The following TGFBR3 variants were observed in gnomAD, a reference collection of about 807,000 sequenced individuals.
TGFBR3 encodes the protein transforming growth factor beta receptor 3.
A neutral mutation model predicts 87.9 loss-of-function variants in TGFBR3; 46 were observed. The observed-to-expected ratio is 0.52, with a 90% CI of 0.41 to 0.67. TGFBR3 has a LOEUF of 0.67. Among genes scored for constraint, TGFBR3 ranks in the 30% least tolerant of loss-of-function variants. The probability of loss-of-function intolerance (pLI) is 0.00; values close to 1 mark genes in which losing one functional copy is unlikely to be tolerated. For synonymous variants in TGFBR3, 381 were observed against 391.6 expected (o/e 0.97, Z 0.32); for missense variants, 866 against 1,041.9 (o/e 0.83, Z 2.32).
chr1:91,769,434 G>C (rs549702980), intron 3 of TGFBR3, among the ~76,000 whole-genome samples: 1 of 151,926 alleles, frequency 6.6e-6, no homozygotes, highest in Admixed American at 6.6e-5. Flanking sequence ...GGGCACACAC[G>C]GGCCCTGTTA....
At chr1:91,729,073 CA>C (rs1332327789) in intron 6 of TGFBR3, among the ~76,000 whole-genome samples, 14 of 96,428 alleles carry the variant, frequency 1.5e-4, no homozygotes, top group African/African-American at 5.3e-4. Context: ...CACACACACA[CA>C]CACCAAGCAC....
Position 91,683,239 on chromosome 1 carries a change from A to G in TGFBR3, c.*500T>C, listed in dbSNP as rs550771540. 1 of 454,802 alleles carries G rather than the reference A, an allele frequency of 2.2e-6. No homozygotes were observed. Among genetic ancestry groups the G allele is most frequent in the East Asian group, 6.9e-5 (1 of 14,396 alleles). The allele number at this position is 454,802 out of a possible 1,614,324, so 28.2% of individuals were successfully genotyped here. A position where few individuals can be genotyped will look rare whatever the true frequency, so the allele number is the denominator to read the frequency against. The stretch of plus-strand genomic sequence containing the variant: ...GTGCATCCAGACAAAGGTGCAAATT[A>G]GACAGGAGGATCGCTTAGAAAGCCT... On this transcript the variant is annotated 3_prime_UTR_variant, in exon 17 of 17. Coordinates refer to ENST00000212355, the MANE Select transcript of TGFBR3 (RefSeq NM_003243.5).
intron 3 of TGFBR3, among the ~76,000 whole-genome samples, chr1:91,783,435 C>T (rs1674844831): frequency 6.6e-6 from 1 of 152,176 alleles, no homozygotes; most frequent in Admixed American, 6.5e-5. Context: ...CTGAGGTGCC[C>T]CGGCGGGCTG....
rs1459699115 is a variant in TGFBR3, at chr1:91,682,579, C to T, written c.*1160G>A. ...GGCAATCCAAATGAGTGCCCTTTTC[C>T]AATCTCAGCACTGTCTTGGTGGAAT... On this transcript the variant is annotated 3_prime_UTR_variant, in exon 17 of 17. Coordinates refer to ENST00000212355, the MANE Select transcript of TGFBR3 (RefSeq NM_003243.5). The T allele has an allele frequency of 4.4e-6, 2 of 453,540 alleles. No homozygotes were observed. The highest frequency in any genetic ancestry group is 8.8e-6 in the Non-Finnish European group (2 of 226,734). 28.1% of individuals were successfully genotyped at this position (453,540 alleles called of 1,614,324 possible).
chr1:91,846,655 C>T (rs1677513351), intron 2 of TGFBR3, among the ~76,000 whole-genome samples: 1 of 152,028 alleles, frequency 6.6e-6, no homozygotes, highest in Admixed American at 6.5e-5. Flanking sequence ...GTCCACACCC[C>T]ATCCTGTCAC....
chr1:91,795,788 G>A (rs1306467291), intron 3 of TGFBR3, among the ~76,000 whole-genome samples: 1 of 152,154 alleles, frequency 6.6e-6, no homozygotes, highest in African/African-American at 2.4e-5. Context: ...ACATTACTGG[G>A]ATAAAGAAAT....
At chr1:91,685,765 A>G (rs1671070761) in intron 16 of TGFBR3, among the ~76,000 whole-genome samples, 1 of 152,154 alleles carries the variant, frequency 6.6e-6, no homozygotes, top group Admixed American at 6.5e-5. Context: ...CACTTTCCCC[A>G]GAGTAGGAGC....
At position 91,841,248 on chromosome 1, in the gene TGFBR3, A is replaced by G. The variant is rs527657440; in HGVS notation, c.61+20223T>C. 5.2e-5 allele frequency among the ~76,000 whole-genome samples: 8 copies of G among 152,386 alleles called. No individual in the cohort carries two copies. The South Asian group carries it at 1.7e-3, about 32-fold the overall frequency. On this transcript the variant is annotated intron_variant, in intron 2 of 16. Transcript: ENST00000212355. ...CAGCTCACAACTCAAACAACTGCAC[A>G]GTGCTTTTCCTCAAGAAAATCATTG... is the stretch of plus-strand genomic sequence containing the variant.
intron 1 of TGFBR3, among the ~76,000 whole-genome samples, chr1:91,900,874 T>C (rs1284210483): frequency 6.6e-6 from 1 of 152,152 alleles, no homozygotes; most frequent in Non-Finnish European, 1.5e-5. Flanking sequence ...TCAAGAGACA[T>C]GAAAAAAAGT....
intron 9 of TGFBR3, 24 bp downstream of exon 9, chr1:91,719,869 C>T (rs1026092484): frequency 6.8e-6 from 11 of 1,613,098 alleles, no homozygotes; most frequent in Non-Finnish European, 9.3e-6. Context: ...GCCTCTCTTC[C>T]CTCCTGTAAT....
chr1:91,730,340 A>G (rs996135670), intron 5 of TGFBR3, among the ~76,000 whole-genome samples: 1 of 152,116 alleles, frequency 6.6e-6, no homozygotes, highest in African/African-American at 2.4e-5. Flanking sequence ...GATTCAGAAC[A>G]CCCAGGCGGG....
chr1:91,903,485 C>T (rs1679777450), intron 1 of TGFBR3, among the ~76,000 whole-genome samples: 1 of 151,688 alleles, frequency 6.6e-6, no homozygotes, highest in Non-Finnish European at 1.5e-5. Context: ...TGGCTCACAC[C>T]TATAGTCTCA....
chr1:91,821,996 A>C (rs1004724226), intron 2 of TGFBR3, among the ~76,000 whole-genome samples: 1 of 152,224 alleles, frequency 6.6e-6, no homozygotes, highest in Non-Finnish European at 1.5e-5. Context: ...GTCTATGAAC[A>C]TGTGCTATAG....
upstream of TGFBR3, chr1:91,886,267 A>G (rs769204897): frequency 4.7e-6 from 2 of 429,586 alleles, no homozygotes; most frequent in South Asian, 3.3e-5. Flanking sequence ...CGCCGGCCCC[A>G]CCGGGGGCTC....
intron 1 of TGFBR3, among the ~76,000 whole-genome samples, chr1:91,903,452 G>C (rs768591850): frequency 4.1e-5 from 6 of 147,378 alleles, no homozygotes; most frequent in Non-Finnish European, 6.0e-5. Context: ...TTATCTATAA[G>C]AATTTTGACA....
intron 1 of TGFBR3, among the ~76,000 whole-genome samples, chr1:91,877,076 C>A (rs1024989812): frequency 2.0e-5 from 3 of 151,978 alleles, no homozygotes; most frequent in African/African-American, 7.2e-5. Context: ...TTTTGCAAAC[C>A]TCTTACCTAT....
intron 2 of TGFBR3, among the ~76,000 whole-genome samples, chr1:91,813,746 C>T (rs74769996): frequency 0.035 from 5,300 of 152,292 alleles, 118 homozygotes; most frequent in Non-Finnish European, 0.054. Context: ...CCCAAAGGCC[C>T]CTCTATGGCA....
At chr1:91,808,881 T>C (rs1011926427) in intron 2 of TGFBR3, among the ~76,000 whole-genome samples, 3 of 152,208 alleles carry the variant, frequency 2.0e-5, no homozygotes, top group Non-Finnish European at 4.4e-5. Flanking sequence ...TAAGAATTTA[T>C]GGGATGTTAC....
At position 91,680,936 on chromosome 1, in the gene TGFBR3, G is replaced by A. The variant is rs759398951; in HGVS notation, c.*2803C>T. On this transcript the variant is annotated 3_prime_UTR_variant, in exon 17 of 17. Coordinates refer to ENST00000212355, the MANE Select transcript of TGFBR3 (RefSeq NM_003243.5). ...AATCTCTGGCTTTTTAAAATACAGA[G>A]TAACAGCTGGTAAACACCACATGGT... 1 of 454,096 alleles carries A rather than the reference G, an allele frequency of 2.2e-6. No homozygotes were observed. 28.1% of individuals were successfully genotyped at this position (454,096 alleles called of 1,614,324 possible). A position where few individuals can be genotyped will look rare whatever the true frequency, so the allele number is the denominator to read the frequency against.
Sources: allele counts gnomAD v4.1 joint callset (sites outside exome capture counted in the v4.1 genomes callset), GRCh38; gene constraint gnomAD v4.1.1; transcripts MANE v1.5; gene names NCBI Gene and HGNC (gene_info 2026-07-23, HGNC 2026-07-21).